The following ACOXL variants were observed in gnomAD, a reference collection of about 807,000 sequenced individuals.
ACOXL encodes acyl-coenzyme A oxidase-like protein.
A neutral mutation model predicts 71.9 loss-of-function variants in ACOXL; 70 were observed. The observed-to-expected ratio is 0.97, with a 90% CI of 0.80 to 1.19. The LOEUF (loss-of-function observed/expected upper bound fraction) is 1.19, where lower values mean the gene tolerates loss of function less well. Among genes scored for constraint, ACOXL ranks in the 50% most tolerant of loss-of-function variants. The probability of loss-of-function intolerance (pLI) is 0.00; values close to 1 mark genes in which losing one functional copy is unlikely to be tolerated. For missense variants in ACOXL, 703 were observed against 736.3 expected, an observed-to-expected ratio of 0.95 and a Z score of 0.52; for synonymous variants, 253 against 281.6, an observed-to-expected ratio of 0.90 and a Z score of 1.02.
At chr2:110,935,853 G>A (rs2060642328) in intron 12 of ACOXL, among the ~76,000 whole-genome samples, 1 of 149,876 alleles carries the variant, frequency 6.7e-6, no homozygotes, top group Non-Finnish European at 1.5e-5. Context: ...GGATGGTTTT[G>A]GGGGTGGGGG....
rs562908939 is a variant in ACOXL at position 111,072,345 on chromosome 2, TAAACTTTTG to T, written c.1441-20518_1441-20510del. Among the ~76,000 whole-genome samples the T allele has an allele frequency of 6.6e-5, 10 of 152,348 alleles. No individual in the cohort carries two copies. In the South Asian group the frequency reaches 2.1e-3, roughly 32 times the overall value. Reference sequence around the variant, plus strand: ...CATATAAATGTAATCATACAATCTGTAAACTTTTGATATGGACTTCATTCACTCCGCATG... The same window carrying T: ...CATATAAATGTAATCATACAATCTGTATATGGACTTCATTCACTCCGCATG... On this transcript the variant is annotated intron_variant, in intron 16 of 17. Coordinates refer to ENST00000439055, the MANE Select transcript of ACOXL (RefSeq NM_001142807.4).
intron 15 of ACOXL, among the ~76,000 whole-genome samples, chr2:111,043,112 G>C (rs2065861079): frequency 6.6e-6 from 1 of 152,180 alleles, no homozygotes; most frequent in Admixed American, 6.5e-5. Context: ...TGGGGCCAGA[G>C]AAAAGGAGGG....
rs778433851 is a variant in ACOXL, at chr2:110,793,642, G to C, written c.160-8G>C. On this transcript the variant is annotated splice_polypyrimidine_tract_variant and splice_region_variant and intron_variant, in intron 3 of 17. Transcript: ENST00000439055. ...GCTAATGATGGTTTGTATTGTCCTTGTTTCCAGTGCGGAATAATTTATTGG... is the reference window on the plus strand; with the variant it reads ...GCTAATGATGGTTTGTATTGTCCTTCTTTCCAGTGCGGAATAATTTATTGG... The C allele has an allele frequency of 8.7e-6, 14 of 1,612,970 alleles. No homozygotes were observed. Among genetic ancestry groups the C allele is most frequent in the Non-Finnish European group, 1.2e-5 (14 of 1,179,120 alleles).
At chr2:110,916,530 A>AT (rs1248653776) in intron 11 of ACOXL, among the ~76,000 whole-genome samples, 1 of 152,204 alleles carries the variant, frequency 6.6e-6, no homozygotes, top group Non-Finnish European at 1.5e-5. Context: ...CAAACTCAAA[A>AT]GCTAGCAGAA....
chr2:111,059,529 T>C (rs2066701828), intron 16 of ACOXL, among the ~76,000 whole-genome samples: 1 of 152,202 alleles, frequency 6.6e-6, no homozygotes, highest in Non-Finnish European at 1.5e-5. Flanking sequence ...CCCAGGAAGA[T>C]GCTGGAGACA....
chr2:110,739,165 A>G (rs1291013852), intron 1 of ACOXL, among the ~76,000 whole-genome samples: 1 of 152,166 alleles, frequency 6.6e-6, no homozygotes, highest in Admixed American at 6.5e-5. Context: ...TTTGTTCACA[A>G]TATGGGAAAT....
At chr2:111,053,852 G>A (rs900381893) in intron 16 of ACOXL, among the ~76,000 whole-genome samples, 8 of 152,150 alleles carry the variant, frequency 5.3e-5, no homozygotes, top group African/African-American at 1.4e-4. Flanking sequence ...TGCCTCCCTC[G>A]GATAAGCTGG....
At chr2:111,117,245 G>A (rs777488006) in intron 17 of ACOXL, among the ~76,000 whole-genome samples, 12 of 152,224 alleles carry the variant, frequency 7.9e-5, no homozygotes, top group Non-Finnish European at 1.6e-4. Flanking sequence ...GACAGGGGAG[G>A]CAAAGAGAGA....
At chr2:110,789,986 C>T (rs374486569) in intron 3 of ACOXL, among the ~76,000 whole-genome samples, 45 of 152,362 alleles carry the variant, frequency 3.0e-4, no homozygotes, top group African/African-American at 9.1e-4. Flanking sequence ...TACATGCTAC[C>T]TCTAGGACTT....
chr2:111,049,139 C>T (rs1170717909), intron 15 of ACOXL, 79 bp from the exon 16 acceptor site: 3 of 1,122,998 alleles, frequency 2.7e-6, no homozygotes, highest in Admixed American at 3.6e-5. Flanking sequence ...TCTGTTATAA[C>T]CACAGTGTCC....
intron 13 of ACOXL, among the ~76,000 whole-genome samples, chr2:110,990,168 A>C (rs1297332350): frequency 6.6e-6 from 1 of 152,232 alleles, no homozygotes; most frequent in Non-Finnish European, 1.5e-5. Flanking sequence ...TACTTGCAGA[A>C]AATTGACATA....
At chr2:110,919,254 C>T (rs1008301278) in intron 11 of ACOXL, among the ~76,000 whole-genome samples, 8 of 152,130 alleles carry the variant, frequency 5.3e-5, no homozygotes, top group African/African-American at 1.9e-4. Flanking sequence ...TTGTCCTTTG[C>T]AGGGACATGG....
chr2:111,017,226 A>G (rs1020670294), intron 14 of ACOXL, among the ~76,000 whole-genome samples: 2 of 152,096 alleles, frequency 1.3e-5, no homozygotes, highest in African/African-American at 4.8e-5. Flanking sequence ...CTGTTATTCT[A>G]TTTTGCCCTG....
At chr2:110,872,740 A>C (rs1194813878) in intron 10 of ACOXL, among the ~76,000 whole-genome samples, 8 of 152,174 alleles carry the variant, frequency 5.3e-5, no homozygotes, top group Non-Finnish European at 1.0e-4. Context: ...AGTTCTTAAG[A>C]GTGATGCTTG....
chr2:110,795,824 T>C (rs536951511), intron 5 of ACOXL: 20 of 152,300 alleles, frequency 1.3e-4, no homozygotes, highest in Admixed American at 5.2e-4. Context: ...ACAGCTCTTA[T>C]TTATTTGTTT....
chr2:110,780,980 C>A (rs547958486), intron 2 of ACOXL, among the ~76,000 whole-genome samples: 6 of 152,022 alleles, frequency 3.9e-5, no homozygotes, highest in Non-Finnish European at 7.4e-5. Context: ...CAGTGAGCTA[C>A]GATCACACCA....
chr2:110,742,588 T>G (rs1324229974), intron 1 of ACOXL, among the ~76,000 whole-genome samples: 1 of 152,192 alleles, frequency 6.6e-6, no homozygotes, highest in Non-Finnish European at 1.5e-5. Context: ...CTGCAACCAC[T>G]TCTACAACAT....
chr2:110,973,506 A>G (rs1574341868), intron 12 of ACOXL, among the ~76,000 whole-genome samples: 1 of 152,170 alleles, frequency 6.6e-6, no homozygotes. Context: ...GTGAACAAGG[A>G]AGTGAGCCCT....
chr2:110,817,862 T>C (rs1162161610), intron 9 of ACOXL, among the ~76,000 whole-genome samples: 1 of 152,022 alleles, frequency 6.6e-6, no homozygotes, highest in Non-Finnish European at 1.5e-5. Context: ...TAGCTGATGG[T>C]GTAAGGCACT....
Sources: gnomAD v4.1 joint callset for allele counts (sites outside exome capture counted in the v4.1 genomes callset) on GRCh38, gnomAD v4.1.1 for gene constraint, MANE v1.5 for transcripts, NCBI Gene and HGNC (gene_info 2026-07-23, HGNC 2026-07-21) for gene names.